The following UBR2 variants were observed in gnomAD, a reference collection of about 807,000 sequenced individuals.
UBR2 encodes ubiquitin protein ligase E3 component n-recognin 2.
Under a neutral mutation model 247.9 loss-of-function variants are expected in UBR2, and 92 were observed. The observed-to-expected ratio is 0.37, with a 90% CI of 0.31 to 0.44. UBR2 has a LOEUF of 0.44. UBR2 is among the 20% of genes least tolerant of loss of function. The pLI is 1.00. For synonymous variants in UBR2, 672 were observed against 693.5 expected, an observed-to-expected ratio of 0.97 and a Z score of 0.49; for missense variants, 1,613 against 2,112.6, an observed-to-expected ratio of 0.76 and a Z score of 4.64.
intron 44 of UBR2, among the ~76,000 whole-genome samples, chr6:42,685,644 A>G (rs980782893): frequency 6.6e-6 from 1 of 150,830 alleles, no homozygotes; most frequent in East Asian, 1.9e-4. Context: ...TTTTTTTTGT[A>G]TTTTTAGTAT....
chr6:42,687,365 T>C (rs1259555614), intron 44 of UBR2, among the ~76,000 whole-genome samples: 1 of 151,908 alleles, frequency 6.6e-6, no homozygotes, highest in Non-Finnish European at 1.5e-5. Flanking sequence ...GCGCCTGCAA[T>C]CCCAGGCACT....
At chr6:42,614,424 A>ATATATATG (rs1554250468) in intron 8 of UBR2, among the ~76,000 whole-genome samples, 4 of 87,824 alleles carry the variant, frequency 4.6e-5, no homozygotes, top group Admixed American at 1.1e-4. Flanking sequence ...ACGTACGTAC[A>ATATATATG]TATATATGTA....
chr6:42,641,645 G>T lies in UBR2; in HGVS notation c.1984G>T (p.Val662Leu). The part of the protein sequence containing the change: ...PLRCLVLCAQ[V>L]HAGMWRRNGF... ...TAGATGTCTTGTTCTGTGTGCCCAA[G>T]TACATGCCGGAATGTGGAGAAGAAA... The change falls in exon 17 of 47, where the codon GTA (valine) becomes TTA (leucine). Residue 662 changes from valine to leucine, a missense_variant. Physicochemically the swap from Val to Leu is conservative, Grantham distance 32 (BLOSUM62 1). This residue lies in a region of UBR2 where 1,524 missense variants were observed against 1,967.3 expected (regional missense o/e 0.77). Transcript: ENST00000372901. 1 of 1,609,070 alleles carries T rather than the reference G, an allele frequency of 6.2e-7. No homozygotes were observed. Among genetic ancestry groups the T allele is most frequent in the South Asian group, 1.1e-5 (1 of 90,146 alleles).
intron 3 of UBR2, among the ~76,000 whole-genome samples, chr6:42,593,859 AC>A (rs930063355): frequency 6.6e-6 from 1 of 152,170 alleles, no homozygotes; most frequent in African/African-American, 2.4e-5. Context: ...TAGCATCACA[AC>A]CTGTAGCGTA....
chr6:42,581,636 A>G (rs529891489), intron 2 of UBR2, among the ~76,000 whole-genome samples: 3 of 152,262 alleles, frequency 2.0e-5, no homozygotes, highest in African/African-American at 7.2e-5. Flanking sequence ...CTGGTTCTAG[A>G]TCTTATAAAA....
intron 42 of UBR2, among the ~76,000 whole-genome samples, chr6:42,682,503 T>A (rs1303183970): frequency 6.6e-6 from 1 of 151,980 alleles, no homozygotes; most frequent in Non-Finnish European, 1.5e-5. Flanking sequence ...CAGTCACAGC[T>A]CATCCTCCTG....
intron 40 of UBR2, among the ~76,000 whole-genome samples, chr6:42,678,252 C>T (rs2207261): frequency 0.27 from 40,873 of 151,962 alleles, 5,495 homozygotes; most frequent in Non-Finnish European, 0.29. Context: ...AGGAGAATGG[C>T]GTGAACCCAG....
At chr6:42,576,426 A>C (rs1397572086) in intron 2 of UBR2, among the ~76,000 whole-genome samples, 1 of 150,846 alleles carries the variant, frequency 6.6e-6, no homozygotes, top group African/African-American at 2.4e-5. Flanking sequence ...GTATGCAGCC[A>C]TTCTGCTGCT....
At chr6:42,654,638 CTGGAAACTGGG>C (rs1324285685) in intron 25 of UBR2, among the ~76,000 whole-genome samples, 5 of 152,274 alleles carry the variant, frequency 3.3e-5, no homozygotes, top group African/African-American at 1.2e-4. Flanking sequence ...AGGAGAATCA[CTGGAAACTGGG>C]AGGCAGAGGT....
intron 10 of UBR2, among the ~76,000 whole-genome samples, chr6:42,616,909 A>G (rs1389375551): frequency 6.6e-6 from 1 of 152,228 alleles, no homozygotes; most frequent in African/African-American, 2.4e-5. Flanking sequence ...AGAAGTAATG[A>G]AAGTCTGATT....
At chr6:42,640,002 G>A (rs553772245) in intron 15 of UBR2, among the ~76,000 whole-genome samples, 27 of 152,156 alleles carry the variant, frequency 1.8e-4, no homozygotes, top group African/African-American at 5.3e-4. Context: ...CACTCCAGCC[G>A]GGTGACAGAG....
At chr6:42,679,343 AATCTGTGTCTCGTGGTAAAACC>A (rs1489058002) in intron 41 of UBR2, among the ~76,000 whole-genome samples, 1 of 152,220 alleles carries the variant, frequency 6.6e-6, no homozygotes, top group Non-Finnish European at 1.5e-5. Flanking sequence ...TTGGTATTTA[AATCTGTGTCTCGTGGTAAAACC>A]ATCTTGTATT....
Position 42,674,148 on chromosome 6 carries a change from T to C in UBR2, c.4206T>C (p.His1402=). 6.2e-7 allele frequency: 1 copy of C among 1,613,928 alleles called. No individual in the cohort carries two copies. The highest frequency in any genetic ancestry group is 1.3e-5 in the African/African-American group (1 of 75,042). Residue 1402 remains histidine (H), a synonymous_variant, in exon 38 of 47, where the codon CAT becomes CAC. Transcript: ENST00000372901. The part of the protein sequence containing the change: ...LFASLVPNDS[H]EELPCILDID... ...TAGCACTGGTGCCTAATGACAGCCA[T>C]GAGGAACTTCCATGCATATTAGATA... is the stretch of plus-strand genomic sequence containing the variant.
chr6:42,600,901 C>T (rs1387604074), intron 4 of UBR2, among the ~76,000 whole-genome samples: 1 of 152,146 alleles, frequency 6.6e-6, no homozygotes, highest in Non-Finnish European at 1.5e-5. Context: ...AAGCAGTCCT[C>T]CCACCTCGGC....
intron 21 of UBR2, among the ~76,000 whole-genome samples, chr6:42,646,906 C>G (rs1198011029): frequency 1.3e-5 from 2 of 152,024 alleles, no homozygotes; most frequent in East Asian, 1.9e-4. Flanking sequence ...ACTATAACCT[C>G]TGCCTCCCGA....
Position 42,573,833 on chromosome 6 carries a change from AAAG to A in UBR2, c.183_185del (p.Glu61del). 1 of 1,614,006 alleles carries A rather than the reference AAAG, an allele frequency of 6.2e-7. No individual in the cohort carries two copies. The highest frequency in any genetic ancestry group is 1.3e-5 in the African/African-American group (1 of 75,044). On this transcript the variant is annotated inframe_deletion, in exon 2 of 47. Coordinates refer to ENST00000372901, the MANE Select transcript of UBR2 (RefSeq NM_001363705.2). ...CAGGGGTCCCAACCCTTTTCCACAG[AAAG>A]AAGACATGCTGGCACAGCATGTTTT... is the stretch of plus-strand genomic sequence containing the variant.
chr6:42,664,008 G>A (rs1168105948), intron 32 of UBR2, among the ~76,000 whole-genome samples: 1 of 152,074 alleles, frequency 6.6e-6, no homozygotes, highest in Non-Finnish European at 1.5e-5. Context: ...AAAATAAAAA[G>A]TTAGCTGGAT....
chr6:42,564,190 C>G lies in UBR2; in HGVS notation c.-130C>G. The G allele has an allele frequency of 2.0e-6, 2 of 1,005,016 alleles. No individual in the cohort carries two copies. The highest frequency in any genetic ancestry group is 2.9e-6 in the Non-Finnish European group (2 of 685,874). The allele number at this position is 1,005,016 out of a possible 1,614,324, so 62.3% of individuals were successfully genotyped here. A position where few individuals can be genotyped will look rare whatever the true frequency, so the allele number is the denominator to read the frequency against. On this transcript the variant is annotated 5_prime_UTR_variant, in exon 1 of 47. Coordinates refer to ENST00000372901, the MANE Select transcript of UBR2 (RefSeq NM_001363705.2). ...GTCACCCTTCTCTCCCTCTGTTGCT[C>G]CACCTGCAGCCACTTGGACGGCTCC...
intron 42 of UBR2, among the ~76,000 whole-genome samples, chr6:42,680,381 G>A (rs1353277617): frequency 6.6e-6 from 1 of 152,230 alleles, no homozygotes; most frequent in Non-Finnish European, 1.5e-5. Context: ...AAGGGGAATA[G>A]TGGTAGAAAT....
Sources: allele counts gnomAD v4.1 joint callset (sites outside exome capture counted in the v4.1 genomes callset), GRCh38; gene constraint gnomAD v4.1.1; regional missense constraint gnomAD v4.1.1; transcripts MANE v1.5; gene names NCBI Gene and HGNC (gene_info 2026-07-23, HGNC 2026-07-21).